Variants in MUC12 observed in about 807,000 individuals in gnomAD.
MUC12 encodes the protein mucin-12.
A neutral mutation model predicts 230.8 loss-of-function variants in MUC12; 172 were observed. The ratio of observed to expected loss-of-function variants is 0.75; its 90% CI spans 0.66 to 0.85. The LOEUF (loss-of-function observed/expected upper bound fraction) is 0.85. Among genes scored for constraint, MUC12 ranks in the 40% least tolerant of loss-of-function variants. The pLI is 0.00. For synonymous variants in MUC12, 1,259 were observed against 2,401.9 expected (o/e 0.52, Z 13.91); for missense variants, 3,506 against 5,920.6 (o/e 0.59, Z 13.38).
chr7:101,018,483 C>T, intron 11 of MUC12, 112 bp from the exon 12 acceptor site: 7 of 576,062 alleles, frequency 1.2e-5, no homozygotes, highest in South Asian at 1.1e-4. Context: ...CCCTGGGACT[C>T]CCTCCCTCCC....
chr7:101,008,560 C>T lies in MUC12; in HGVS notation c.15059-74C>T. 6.1e-6 allele frequency: 9 copies of T among 1,470,192 alleles called. No individual in the cohort carries two copies. The South Asian group carries it at 1.2e-4, about 20-fold the overall frequency. The allele number at this position is 1,470,192 out of a possible 1,614,324, so 91.1% of individuals were successfully genotyped here. ...CTTTCACCTTCAAGACACCCACAGG[C>T]AGAGAATGTATCAATCCTGGGGGAC... On this transcript the variant is annotated intron_variant, in intron 3 of 11. Coordinates refer to ENST00000536621, the MANE Select transcript of MUC12 (RefSeq NM_001164462.2).
Position 100,991,757 on chromosome 7 carries a change from T to A in MUC12, c.1194T>A (p.Ser398=). 6.5e-7 allele frequency: 1 copy of A among 1,537,862 alleles called. No homozygotes were observed. Among genetic ancestry groups the A allele is most frequent in the Non-Finnish European group, 8.7e-7 (1 of 1,147,050 alleles). ...ACGGCAGCACAACACACACAAAATC[T>A]TCAACTCCTAGCACCACAGCTGCCC... is the stretch of plus-strand genomic sequence containing the variant. ...TFHGSTTHTK[S]STPSTTAALA... is the part of the protein sequence containing the mutation. Residue 398 remains serine (S), a synonymous_variant, in exon 2 of 12, where the codon TCT becomes TCA. Coordinates refer to ENST00000536621, the MANE Select transcript of MUC12 (RefSeq NM_001164462.2).
At chr7:100,978,631 G>C (rs1431989133) in intron 1 of MUC12, among the ~76,000 whole-genome samples, 1 of 151,974 alleles carries the variant, frequency 6.6e-6, no homozygotes, top group African/African-American at 2.4e-5. Context: ...CTGCCACTGG[G>C]GACTTCATTG....
chr7:100,983,371 G>T (rs1793139310), intron 1 of MUC12, among the ~76,000 whole-genome samples: 1 of 150,640 alleles, frequency 6.6e-6, no homozygotes, highest in South Asian at 2.1e-4. Context: ...AGTGAGCCGA[G>T]ATCCTGCCAG....
intron 1 of MUC12, chr7:100,972,738 T>G: frequency 1.6e-6 from 1 of 629,258 alleles, no homozygotes; most frequent in Non-Finnish European, 2.9e-6. Flanking sequence ...GCTCCTGGCC[T>G]CAAGTAATCT....
At chr7:100,969,909 T>A (rs1400977910) in intron 1 of MUC12, among the ~76,000 whole-genome samples, 11 of 152,300 alleles carry the variant, frequency 7.2e-5, no homozygotes, top group African/African-American at 2.7e-4. Context: ...CAGGGGATGG[T>A]CTGCACACAG....
Position 100,991,494 on chromosome 7 carries a change from T to G in MUC12, c.931T>G (p.Ser311Ala), listed in dbSNP as rs1431077255. The change falls in exon 2 of 12, where the codon TCA (serine) becomes GCA (alanine). Residue 311 changes from serine (S) to alanine (A), a missense_variant. Ser to Ala is a moderately conservative substitution (Grantham distance 99, BLOSUM62 1). Coordinates refer to ENST00000536621, the MANE Select transcript of MUC12 (RefSeq NM_001164462.2). ...LSTTYHSSPS[S>A]TPTTHFSASS... ...TACAACTTATCACAGCAGCCCGAGC[T>G]CAACTCCAACAACCCACTTTTCTGC... 1.8e-5 allele frequency: 28 copies of G among 1,537,036 alleles called. No individual in the cohort carries two copies. Among genetic ancestry groups the G allele is most frequent in the South Asian group, 4.8e-5 (4 of 84,034 alleles).
At chr7:101,010,934 G>A (rs979660457) in intron 5 of MUC12, among the ~76,000 whole-genome samples, 1 of 152,100 alleles carries the variant, frequency 6.6e-6, no homozygotes, top group African/African-American at 2.4e-5. Context: ...ACAAGCGTAA[G>A]CCACCACACC....
intron 5 of MUC12, among the ~76,000 whole-genome samples, chr7:101,011,701 C>T (rs1180826614): frequency 2.0e-5 from 3 of 152,206 alleles, no homozygotes; most frequent in African/African-American, 7.2e-5. Context: ...GGATGACAGG[C>T]ATGAGCCACC....
rs1289534382 is a variant in MUC12, at chr7:100,990,765, T to G, written c.202T>G (p.Phe68Val). The G allele has an allele frequency of 6.5e-7, 1 of 1,537,796 alleles. No homozygotes were observed. The highest frequency in any genetic ancestry group is 2.4e-5 in the East Asian group (1 of 40,922). ...FITGSTATKH[F>V]LDSSTNSGHS... ...CACGGGCTCAACTGCAACAAAACACTTCCTTGACAGCTCCACAAACTCAGG... is the reference window on the plus strand; with the variant it reads ...CACGGGCTCAACTGCAACAAAACACGTCCTTGACAGCTCCACAAACTCAGG... Residue 68 changes from phenylalanine to valine, a missense_variant, in exon 2 of 12, where the codon TTC becomes GTC. Physicochemically the swap from Phe to Val is conservative, Grantham distance 50. Coordinates refer to ENST00000536621, the MANE Select transcript of MUC12 (RefSeq NM_001164462.2).
rs570425071 is a variant in MUC12, at chr7:100,992,272, C to G, written c.1709C>G (p.Ala570Gly). 2.0e-6 allele frequency: 3 copies of G among 1,537,698 alleles called. No individual in the cohort carries two copies. The highest frequency in any genetic ancestry group is 2.0e-5 in the Admixed American group (1 of 51,006). ...ACATTGTCCCCTGGCAGTACCACAG[C>G]ATCATCCCTTGGTCCAGAATATACT... ...DTTLSPGSTTASSLGPEYTTF... is the reference protein window; with the variant it reads ...DTTLSPGSTTGSSLGPEYTTF... The change falls in exon 2 of 12, where the codon GCA becomes GGA. Residue 570 changes from alanine (A) to glycine (G), a missense_variant. Physicochemically the swap from Ala to Gly is moderately conservative, Grantham distance 60 (BLOSUM62 0). Coordinates refer to ENST00000536621, the MANE Select transcript of MUC12 (RefSeq NM_001164462.2).
chr7:100,969,784 T>G (rs1584820221), intron 1 of MUC12, 95 bp downstream of exon 1: 1 of 1,438,686 alleles, frequency 7.0e-7, no homozygotes, highest in East Asian at 2.5e-5. Context: ...GGTGGCCTCC[T>G]CCCCTTTGCA....
At chr7:100,971,770 G>A (rs868770612) in intron 1 of MUC12, among the ~76,000 whole-genome samples, 1,383 of 151,724 alleles carry the variant, frequency 9.1e-3, no homozygotes, top group African/African-American at 0.031. Flanking sequence ...CTGCTCCCAA[G>A]GCCTGGCCTA....
chr7:100,992,393 C>G lies in MUC12; in HGVS notation c.1830C>G (p.Ser610Arg), dbSNP rs1280068307. ...GLLEASMPVH[S>R]STRSPHTTLS... is the part of the protein sequence containing the mutation. Reference sequence around the variant, plus strand: ...TTGAAGCATCTATGCCCGTCCACAGCAGCACCAGATCGCCACACACAACAC... The same window carrying G: ...TTGAAGCATCTATGCCCGTCCACAGGAGCACCAGATCGCCACACACAACAC... Residue 610 changes from serine (S) to arginine (R), a missense_variant, in exon 2 of 12, where the codon AGC (serine) becomes AGG (arginine). Transcript: ENST00000536621. The G allele has an allele frequency of 2.6e-6, 4 of 1,537,070 alleles. No individual in the cohort carries two copies. The highest frequency in any genetic ancestry group is 2.6e-6 in the Non-Finnish European group (3 of 1,146,400).
Position 100,983,134 on chromosome 7 carries a change from T to C in MUC12, c.68-7497T>C, listed in dbSNP as rs182835622. Among the ~76,000 whole-genome samples the C allele has an allele frequency of 2.0e-5, 3 of 151,790 alleles. No individual in the cohort carries two copies. The East Asian group carries it at 5.9e-4, about 30-fold the overall frequency. ...CCTTGATTCCTATGTAAAATAGAAATAGCGGCTGGGTGCTGTGGCTCACAC... is the reference window on the plus strand; with the variant it reads ...CCTTGATTCCTATGTAAAATAGAAACAGCGGCTGGGTGCTGTGGCTCACAC... On this transcript the variant is annotated intron_variant, in intron 1 of 11. Coordinates refer to ENST00000536621, the MANE Select transcript of MUC12 (RefSeq NM_001164462.2).
In MUC12 at chr7:100,990,831, G is replaced by A. The variant is rs113357590; in HGVS notation, c.268G>A (p.Ala90Thr). The A allele has an allele frequency of 2.0e-5, 30 of 1,537,632 alleles. 1 individual carries two copies. The highest frequency in any genetic ancestry group is 1.5e-4 in the African/African-American group (11 of 73,040). The change falls in exon 2 of 12, where the codon GCA (alanine) becomes ACA (threonine). Residue 90 changes from alanine (A) to threonine (T), a missense_variant. By Grantham distance (58) the Ala-to-Thr change is moderately conservative. Transcript: ENST00000536621. ...ESTVSHSGPG[A>T]TGTTLFPSHS... is the part of the protein sequence containing the mutation. ...AACAGTATCCCACAGCGGCCCAGGT[G>A]CAACTGGAACAACACTCTTCCCTTC...
chr7:100,970,936 G>T (rs1792866738), intron 1 of MUC12, among the ~76,000 whole-genome samples: 1 of 151,984 alleles, frequency 6.6e-6, no homozygotes, highest in Non-Finnish European at 1.5e-5. Context: ...GGCGGAGCCT[G>T]CAGTGAGCCG....
chr7:101,017,266 C>A, intron 10 of MUC12: 1 of 285,962 alleles, frequency 3.5e-6, no homozygotes, highest in Non-Finnish European at 6.5e-6. Flanking sequence ...CTGTCTCCCG[C>A]TCCACTCTGA....
intron 11 of MUC12, 143 bp from the exon 12 acceptor site, chr7:101,018,445 CCTCCTCT>C: frequency 1.6e-5 from 7 of 424,354 alleles, no homozygotes; most frequent in South Asian, 2.6e-5. Context: ...CCCGCCACTC[CCTCCTCT>C]CCCTAGGACT....
Sources: allele counts gnomAD v4.1 joint callset (sites outside exome capture counted in the v4.1 genomes callset), GRCh38; gene constraint gnomAD v4.1.1; transcripts MANE v1.5; gene names NCBI Gene and HGNC (gene_info 2026-07-23, HGNC 2026-07-21).